CRYZL1: variants seen among roughly 807,000 people sequenced by gnomAD.
The protein encoded by CRYZL1 is crystallin zeta like 1, also known as ferry endosomal RAB5 effector complex subunit 4.
In CRYZL1, 34 loss-of-function variants were observed where a neutral mutation model predicts 50.6. The observed-to-expected ratio is 0.67, with a 90% CI of 0.51 to 0.89. CRYZL1 has a LOEUF of 0.89. Ranked by LOEUF, CRYZL1 falls within the 40% of genes least tolerant of loss-of-function variation. The pLI, the probability that CRYZL1 is intolerant of heterozygous loss-of-function variation, is 0.00. For synonymous variants in CRYZL1, 125 were observed against 134.3 expected (o/e 0.93, Z 0.48); for missense variants, 354 against 402.3 (o/e 0.88, Z 1.03).
At position 33,595,734 on chromosome 21, in the gene CRYZL1, G is replaced by A. The variant is rs757869625; in HGVS notation, c.901C>T (p.Leu301Phe). ...AATCAGTCGATAAAAAGGATATAAAGATATTTTCCCTGTTGTACATTTGAC... is the reference window on the plus strand; with the variant it reads ...AATCAGTCGATAAAAAGGATATAAAAATATTTTCCCTGTTGTACATTTGAC... Reference protein sequence around the residue: ...NLSNVQQGKYLCILKDVMEKL... With the variant: ...NLSNVQQGKYFCILKDVMEKL... The change falls in exon 11 of 13, where the codon CTT (leucine) becomes TTT (phenylalanine). Residue 301 changes from leucine (L) to phenylalanine (F), a missense_variant. Physicochemically the swap from Leu to Phe is conservative, Grantham distance 22 (BLOSUM62 0). Transcript: ENST00000381554. 1 of 1,612,684 alleles carries A rather than the reference G, an allele frequency of 6.2e-7. No homozygotes were observed.
chr21:33,616,776 T>C, intron 4 of CRYZL1, 26 bp from the exon 5 acceptor site: 2 of 1,543,012 alleles, frequency 1.3e-6, no homozygotes. Context: ...AATTAATAGT[T>C]AATATTACAA....
chr21:33,613,491 G>A (rs1405447510), intron 6 of CRYZL1, 47 bp downstream of exon 6: 1 of 1,217,696 alleles, frequency 8.2e-7, no homozygotes, highest in Admixed American at 1.9e-5. Flanking sequence ...CCATATGTCA[G>A]TGAAGTAAGA....
intron 6 of CRYZL1, among the ~76,000 whole-genome samples, chr21:33,611,253 T>C (rs567049377): frequency 5.4e-4 from 83 of 152,294 alleles, no homozygotes; most frequent in Non-Finnish European, 9.3e-4. Context: ...TTAGAGACTC[T>C]CACTGCGTGG....
Position 33,613,533 on chromosome 21 carries a change from C to T in CRYZL1, c.331+5G>A. On this transcript the variant is annotated splice_donor_5th_base_variant and intron_variant, in intron 6 of 12. Coordinates refer to ENST00000381554, the MANE Select transcript of CRYZL1 (RefSeq NM_145858.3). ...TGAGCTCCAAAGTACTGAATTGCTA[C>T]ATACCCAAGTAATGCTCATGTACTC... 2 of 1,598,366 alleles carry T rather than the reference C, an allele frequency of 1.3e-6. No individual in the cohort carries two copies. The highest frequency in any genetic ancestry group is 1.7e-6 in the Non-Finnish European group (2 of 1,165,900).
intron 7 of CRYZL1, 37 bp from the exon 8 acceptor site, chr21:33,602,382 T>C (rs377419047): frequency 7.6e-6 from 7 of 918,410 alleles, no homozygotes; most frequent in South Asian, 6.9e-5. Flanking sequence ...TGTATGGTTA[T>C]AGAACAGAGG....
In CRYZL1 at chr21:33,624,753, A is replaced by T; in HGVS notation, c.74T>A (p.Leu25His). Residue 25 changes from leucine to histidine, a missense_variant, in exon 3 of 13, where the codon CTT becomes CAT. Leu to His is a moderately conservative substitution (Grantham distance 99, BLOSUM62 -3). Transcript: ENST00000381554. ...CACAAAGTTATCCTCTGTAACAGGA[A>T]GATCTTCCTAGAACCAAATGATAAC... ...ITFVFQEKED[L>H]PVTEDNFVKL... The T allele has an allele frequency of 6.3e-7, 1 of 1,597,276 alleles. No individual in the cohort carries two copies. The highest frequency in any genetic ancestry group is 8.5e-7 in the Non-Finnish European group (1 of 1,175,926).
intron 10 of CRYZL1, chr21:33,596,103 G>T: frequency 1.7e-6 from 1 of 593,342 alleles, no homozygotes. Flanking sequence ...GTCTTTTCTG[G>T]CCATCTTCAT....
intron 1 of CRYZL1, among the ~76,000 whole-genome samples, chr21:33,636,634 ATAAAT>A (rs1292833127): frequency 6.6e-6 from 1 of 152,246 alleles, no homozygotes; most frequent in African/African-American, 2.4e-5. Context: ...AGAACTTTGC[ATAAAT>A]TAAACACTTG....
At chr21:33,613,413 A>G (rs2145937220) in intron 6 of CRYZL1, 125 bp downstream of exon 6, 1 of 617,018 alleles carries the variant, frequency 1.6e-6, no homozygotes, top group East Asian at 2.7e-5. Flanking sequence ...TACATACATG[A>G]CTGGCTAATG....
chr21:33,639,983 G>A (rs1181640117), intron 1 of CRYZL1: 1 of 517,624 alleles, frequency 1.9e-6, no homozygotes, highest in Non-Finnish European at 3.3e-6. Context: ...GCACCACCAT[G>A]CCCGGCTAAT....
At chr21:33,621,630 TGC>T (rs2087003684) in intron 4 of CRYZL1, among the ~76,000 whole-genome samples, 1 of 152,032 alleles carries the variant, frequency 6.6e-6, no homozygotes, top group African/African-American at 2.4e-5. Flanking sequence ...CATGAGCCAC[TGC>T]GCCTGGCCAA....
At chr21:33,619,194 G>A (rs1041307343) in intron 4 of CRYZL1, among the ~76,000 whole-genome samples, 2 of 152,190 alleles carry the variant, frequency 1.3e-5, no homozygotes, top group East Asian at 3.9e-4. Context: ...GTTCTGATCT[G>A]TTTTTAATTT....
At chr21:33,622,176 T>C (rs769654389) in intron 3 of CRYZL1, 108 bp from the exon 4 acceptor site, 9 of 862,582 alleles carry the variant, frequency 1.0e-5, no homozygotes, top group Middle Eastern at 2.4e-4. Context: ...AGAGCAAATA[T>C]GGTTCAAGTT....
chr21:33,639,572 C>T (rs1221373542), intron 1 of CRYZL1, among the ~76,000 whole-genome samples: 1 of 152,140 alleles, frequency 6.6e-6, no homozygotes, highest in Non-Finnish European at 1.5e-5. Flanking sequence ...TACTCGCTCC[C>T]CTCCAATCCA....
intron 10 of CRYZL1, among the ~76,000 whole-genome samples, chr21:33,596,515 G>C (rs1419616111): frequency 6.6e-6 from 1 of 152,040 alleles, no homozygotes; most frequent in Non-Finnish European, 1.5e-5. Context: ...GCGGGCGCCT[G>C]TAATCCCAGC....
In CRYZL1 at chr21:33,613,527, T is replaced by C. The variant is rs1198545924; in HGVS notation, c.331+11A>G. 4.4e-6 allele frequency: 7 copies of C among 1,586,340 alleles called. No homozygotes were observed. Among genetic ancestry groups the C allele is most frequent in the South Asian group, 1.1e-5 (1 of 90,124 alleles). On this transcript the variant is annotated intron_variant, in intron 6 of 12. Transcript: ENST00000381554. ...CTTATGTGAGCTCCAAAGTACTGAA[T>C]TGCTACATACCCAAGTAATGCTCAT...
chr21:33,599,370 A>AG, intron 8 of CRYZL1, 122 bp from the exon 9 acceptor site: 1 of 1,314,058 alleles, frequency 7.6e-7, no homozygotes, highest in Non-Finnish European at 1.1e-6. Context: ...AAGCAATTCA[A>AG]ACAATTACTG....
intron 3 of CRYZL1, among the ~76,000 whole-genome samples, chr21:33,623,531 G>A (rs1271045035): frequency 2.6e-5 from 4 of 152,156 alleles, no homozygotes; most frequent in Non-Finnish European, 5.9e-5. Context: ...GAAGTCTGCA[G>A]ACAAGGTCTA....
Position 33,597,341 on chromosome 21 carries a change from T to C in CRYZL1, c.737A>G (p.His246Arg). Residue 246 changes from histidine (H) to arginine (R), a missense_variant, in exon 10 of 13, where the codon CAT (histidine) becomes CGT (arginine). Coordinates refer to ENST00000381554, the MANE Select transcript of CRYZL1 (RefSeq NM_145858.3). ...AACACCAAGAAGTGTGATGATATCA[T>C]GTTTATGTGGTAGTAGTTGTAGTTT... is the stretch of plus-strand genomic sequence containing the variant. ...AVKLQLLPHK[H>R]DIITLLGVGG... 6.2e-7 allele frequency: 1 copy of C among 1,609,698 alleles called. No individual in the cohort carries two copies. The highest frequency in any genetic ancestry group is 1.1e-5 in the South Asian group (1 of 90,990).
Sources: allele counts gnomAD v4.1 joint callset (sites outside exome capture counted in the v4.1 genomes callset), GRCh38; gene constraint gnomAD v4.1.1; transcripts MANE v1.5; gene names NCBI Gene and HGNC (gene_info 2026-07-23, HGNC 2026-07-21).